CDH13: variants seen among roughly 807,000 people sequenced by gnomAD.
CDH13 encodes the protein cadherin 13.
A neutral mutation model predicts 63.8 loss-of-function variants in CDH13; 24 were observed. The ratio of observed to expected loss-of-function variants is 0.38; its 90% CI spans 0.27 to 0.53. The LOEUF (loss-of-function observed/expected upper bound fraction) is 0.53. Ranked by LOEUF, CDH13 falls within the 20% of genes least tolerant of loss-of-function variation. The probability of loss-of-function intolerance (pLI) is 0.85; values close to 1 mark genes in which losing one functional copy is unlikely to be tolerated. For missense variants in CDH13, 1,049 were observed against 903.1 expected (o/e 1.16, Z -2.07); for synonymous variants, 503 against 355.3 (o/e 1.42, Z -4.67).
intron 6 of CDH13, among the ~76,000 whole-genome samples, chr16:83,461,365 C>A (rs2073177996): frequency 2.0e-5 from 3 of 152,040 alleles, no homozygotes; most frequent in Admixed American, 2.0e-4. Flanking sequence ...TCTGGCTCAT[C>A]CAGAGCAGGT....
intron 6 of CDH13, among the ~76,000 whole-genome samples, chr16:83,374,925 A>G (rs2091434266): frequency 6.6e-6 from 1 of 152,212 alleles, no homozygotes; most frequent in Non-Finnish European, 1.5e-5. Context: ...ATATATACAG[A>G]TTTGAAGTGC....
intron 4 of CDH13, chr16:83,180,933 C>T (rs756904177): frequency 6.5e-7 from 1 of 1,530,802 alleles, no homozygotes; most frequent in Non-Finnish European, 8.8e-7. Flanking sequence ...AGATTTAAAT[C>T]CATGCATTAC....
intron 13 of CDH13, among the ~76,000 whole-genome samples, chr16:83,786,868 G>A (rs1006876894): frequency 2.6e-5 from 4 of 152,142 alleles, no homozygotes; most frequent in African/African-American, 4.8e-5. Flanking sequence ...GATTACAGGT[G>A]TGAGCCACCA....
chr16:83,225,694 C>G (rs1282518930), intron 5 of CDH13, among the ~76,000 whole-genome samples: 2 of 152,152 alleles, frequency 1.3e-5, no homozygotes, highest in Admixed American at 6.5e-5. Flanking sequence ...TTTGAAAACC[C>G]TGAATGCCCA....
chr16:83,372,759 A>C (rs1415811203), intron 6 of CDH13, among the ~76,000 whole-genome samples: 2 of 151,164 alleles, frequency 1.3e-5, no homozygotes, highest in Non-Finnish European at 3.0e-5. Flanking sequence ...TAAAAAAAAA[A>C]AAAAAAAAAA....
intron 6 of CDH13, among the ~76,000 whole-genome samples, chr16:83,393,811 T>C (rs1245085136): frequency 2.0e-5 from 3 of 152,174 alleles, no homozygotes; most frequent in Non-Finnish European, 4.4e-5. Flanking sequence ...GAGTACATGT[T>C]CACCCCCTAG....
chr16:83,208,879 C>G (rs1319144502), intron 4 of CDH13, among the ~76,000 whole-genome samples: 2 of 152,152 alleles, frequency 1.3e-5, no homozygotes, highest in African/African-American at 2.4e-5. Flanking sequence ...CTAGAAGCTG[C>G]CTTGCCTCAC....
At chr16:83,124,192 C>A (rs556765543) in intron 3 of CDH13, among the ~76,000 whole-genome samples, 1 of 152,180 alleles carries the variant, frequency 6.6e-6, no homozygotes, top group African/African-American at 2.4e-5. Flanking sequence ...ATTACAGGTA[C>A]CTGCCACCAT....
At chr16:83,541,951 G>T (rs2075303446) in intron 7 of CDH13, among the ~76,000 whole-genome samples, 1 of 152,186 alleles carries the variant, frequency 6.6e-6, no homozygotes, top group South Asian at 2.1e-4. Flanking sequence ...CCTAGCAAGT[G>T]TCCAGCATTT....
chr16:83,447,358 C>T (rs113521156), intron 6 of CDH13, among the ~76,000 whole-genome samples: 33,144 of 151,394 alleles, frequency 0.22, 3,879 homozygotes, highest in Non-Finnish European at 0.26. Flanking sequence ...GATGTTGCAG[C>T]GAGCTGAGAT....
chr16:83,073,390 C>T (rs938373811), intron 3 of CDH13, among the ~76,000 whole-genome samples: 1 of 145,338 alleles, frequency 6.9e-6, no homozygotes, highest in Admixed American at 6.9e-5. Flanking sequence ...TTCTTAATTA[C>T]CACACCATAC....
chr16:83,059,765 A>G (rs1399424765), intron 3 of CDH13, among the ~76,000 whole-genome samples: 2 of 137,654 alleles, frequency 1.5e-5, no homozygotes, highest in Admixed American at 1.5e-4. Flanking sequence ...CTTAATCCAG[A>G]CTTTTGCCTT....
At chr16:83,752,350 T>C (rs1383257072) in intron 11 of CDH13, among the ~76,000 whole-genome samples, 2 of 152,250 alleles carry the variant, frequency 1.3e-5, no homozygotes, top group African/African-American at 2.4e-5. Flanking sequence ...ACTGTGTGCG[T>C]ATATACCGTG....
At chr16:83,228,103 A>G (rs2039896184) in intron 5 of CDH13, among the ~76,000 whole-genome samples, 1 of 152,190 alleles carries the variant, frequency 6.6e-6, no homozygotes, top group Non-Finnish European at 1.5e-5. Context: ...AAGTCTCCTG[A>G]GGGCAGGAAT....
At chr16:83,211,403 C>T (rs2039333341) in intron 4 of CDH13, among the ~76,000 whole-genome samples, 1 of 152,168 alleles carries the variant, frequency 6.6e-6, no homozygotes, top group Non-Finnish European at 1.5e-5. Flanking sequence ...ATACAAACCT[C>T]AACCTCAACC....
intron 7 of CDH13, among the ~76,000 whole-genome samples, chr16:83,558,925 C>T (rs999262235): frequency 2.0e-5 from 3 of 149,972 alleles, no homozygotes; most frequent in Non-Finnish European, 4.4e-5. Flanking sequence ...GTATCTGTGG[C>T]ACAAGGGCAG....
At chr16:82,701,296 G>A (rs2030996336) in intron 1 of CDH13, among the ~76,000 whole-genome samples, 2 of 152,060 alleles carry the variant, frequency 1.3e-5, no homozygotes, top group Non-Finnish European at 2.9e-5. Flanking sequence ...GGACCACGGG[G>A]TCCTTTTGCC....
rs373544588 is a variant in CDH13, at chr16:83,680,968, G to C, written c.1538+2507G>C. Reference sequence around the variant, plus strand: ...TATTTGCACATCTGTAGAGGGAAGAGGGAAGAGGCACCAGCAAACACCTCT... The same window carrying C: ...TATTTGCACATCTGTAGAGGGAAGACGGAAGAGGCACCAGCAAACACCTCT... On this transcript the variant is annotated intron_variant, in intron 10 of 13. Transcript: ENST00000567109. Among the ~76,000 whole-genome samples, 9 of 152,106 alleles carry C rather than the reference G, an allele frequency of 5.9e-5. 1 individual carries two copies. Among genetic ancestry groups the C allele is most frequent in the Admixed American group, 3.3e-4 (5 of 15,272 alleles).
chr16:83,444,834 A>G (rs1302488889), intron 6 of CDH13, among the ~76,000 whole-genome samples: 1 of 216 alleles, frequency 4.6e-3, no homozygotes, highest in Non-Finnish European at 0.019. Flanking sequence ...CTGAAGGTAT[A>G]AAATTCCCCA....
Sources: gnomAD v4.1 joint callset for allele counts (sites outside exome capture counted in the v4.1 genomes callset) on GRCh38, gnomAD v4.1.1 for gene constraint, MANE v1.5 for transcripts, NCBI Gene and HGNC (gene_info 2026-07-23, HGNC 2026-07-21) for gene names.